Variants in PCDH15 observed in about 807,000 individuals in gnomAD.
PCDH15 encodes protocadherin related 15.
In PCDH15, 129 loss-of-function variants were observed where a neutral mutation model predicts 178.5. That is an observed-to-expected ratio of 0.72 (90% CI 0.63 to 0.84). The LOEUF is 0.84. Ranked by LOEUF, PCDH15 falls within the 40% of genes least tolerant of loss-of-function variation. The probability of loss-of-function intolerance (pLI) is 0.00; values close to 1 mark genes in which losing one functional copy is unlikely to be tolerated. For synonymous variants in PCDH15, 800 were observed against 732.0 expected (o/e 1.09, Z -1.50); for missense variants, 2,230 against 2,099.9 (o/e 1.06, Z -1.21).
intron 30 of PCDH15, among the ~76,000 whole-genome samples, 186 bp from the exon 31 acceptor site, chr10:53,828,759 C>T (rs926798568): frequency 5.9e-5 from 9 of 151,852 alleles, no homozygotes; most frequent in African/African-American, 1.9e-4. Context: ...GTATCGTTAC[C>T]GTTAGAGTCA....
At chr10:54,079,718 C>T (rs1201586623) in intron 16 of PCDH15, among the ~76,000 whole-genome samples, 1 of 152,126 alleles carries the variant, frequency 6.6e-6, no homozygotes, top group African/African-American at 2.4e-5. Context: ...CAGTATCTAT[C>T]TTGTTTTCGA....
chr10:54,471,336 C>T (rs116878601), intron 3 of PCDH15, among the ~76,000 whole-genome samples: 7,103 of 152,020 alleles, frequency 0.047, 222 homozygotes, highest in South Asian at 0.13. Flanking sequence ...TAAGTGGATG[C>T]ACAAAGCCCA....
intron 2 of PCDH15, among the ~76,000 whole-genome samples, chr10:55,087,254 T>C (rs1042423779): frequency 6.6e-6 from 1 of 152,196 alleles, no homozygotes; most frequent in South Asian, 2.1e-4. Context: ...TGAAATTATA[T>C]GTTACTTTGA....
intron 3 of PCDH15, among the ~76,000 whole-genome samples, chr10:54,384,710 A>C (rs1251876380): frequency 2.0e-5 from 3 of 152,184 alleles, no homozygotes; most frequent in Admixed American, 1.3e-4. Context: ...CTTTAATCAC[A>C]GAACAAATTA....
intron 29 of PCDH15, among the ~76,000 whole-genome samples, chr10:53,838,059 T>C (rs993127664): frequency 6.6e-6 from 1 of 151,900 alleles, no homozygotes; most frequent in African/African-American, 2.4e-5. Context: ...CACTGCATGC[T>C]CGGCCTCCTG....
chr10:54,685,105 C>T (rs2094971558), intron 1 of PCDH15, among the ~76,000 whole-genome samples: 1 of 151,918 alleles, frequency 6.6e-6, no homozygotes, highest in Non-Finnish European at 1.5e-5. Context: ...CCTAGGCCTA[C>T]ACCGGGTCAA....
intron 2 of PCDH15, among the ~76,000 whole-genome samples, chr10:55,527,856 T>G (rs1025510571): frequency 5.3e-5 from 8 of 151,988 alleles, no homozygotes; most frequent in African/African-American, 1.9e-4. Context: ...ATAGGTATTG[T>G]TTTTTCTTCT....
intron 3 of PCDH15, among the ~76,000 whole-genome samples, chr10:54,840,840 A>G (rs1257918103): frequency 1.3e-5 from 2 of 151,874 alleles, no homozygotes; most frequent in Non-Finnish European, 2.9e-5. Context: ...AAGAAAATCA[A>G]TATATAACAA....
chr10:54,495,499 C>G (rs1197260436), intron 3 of PCDH15, among the ~76,000 whole-genome samples: 3 of 152,124 alleles, frequency 2.0e-5, no homozygotes, highest in Non-Finnish European at 4.4e-5. Flanking sequence ...ATATTTGCTA[C>G]TACCATTTAC....
intron 23 of PCDH15, among the ~76,000 whole-genome samples, chr10:53,945,054 A>T (rs1412670974): frequency 6.6e-6 from 1 of 152,224 alleles, no homozygotes; most frequent in African/African-American, 2.4e-5. Context: ...ATCCGAAATA[A>T]TATTTGTTTT....
At position 54,914,634 on chromosome 10, in the gene PCDH15, A is replaced by C. The variant is rs577970514; in HGVS notation, c.-79-17134T>G. 3.9e-5 allele frequency among the ~76,000 whole-genome samples: 6 copies of C among 152,224 alleles called. No homozygotes were observed. In the East Asian group the frequency reaches 1.2e-3, roughly 29 times the overall value. On this transcript the variant is annotated intron_variant, in intron 2 of 5. Transcript: ENST00000458638. ...ACTCTGGACACTAAGCAATGTATTA[A>C]ACCTCCTCTCAAATCCTCATTCCTT...
At chr10:54,132,769 G>A (rs921684999) in intron 15 of PCDH15, 106 bp downstream of exon 15, 1 of 1,511,780 alleles carries the variant, frequency 6.6e-7, no homozygotes, top group Admixed American at 2.0e-5. Context: ...GTGGAGGCAA[G>A]CATGTGAGGT....
intron 8 of PCDH15, among the ~76,000 whole-genome samples, chr10:54,285,153 A>G (rs1007087165): frequency 6.6e-6 from 1 of 152,184 alleles, no homozygotes; most frequent in African/African-American, 2.4e-5. Context: ...TCATTTGAGA[A>G]GTCAACCATA....
At chr10:54,819,204 C>CATA (rs4007189) in intron 3 of PCDH15, among the ~76,000 whole-genome samples, 6,311 of 152,002 alleles carry the variant, frequency 0.042, 382 homozygotes, top group African/African-American at 0.14. Context: ...ATGCAGGTCC[C>CATA]ATATTACATT....
chr10:54,419,911 G>A (rs1955001629), intron 3 of PCDH15, among the ~76,000 whole-genome samples: 1 of 152,026 alleles, frequency 6.6e-6, no homozygotes, highest in East Asian at 1.9e-4. Flanking sequence ...TGGGCTATTA[G>A]GATGTAGAGA....
intron 2 of PCDH15, among the ~76,000 whole-genome samples, chr10:55,365,143 G>C (rs1188810308): frequency 6.6e-6 from 1 of 151,984 alleles, no homozygotes; most frequent in East Asian, 1.9e-4. Flanking sequence ...TTGAAAATGT[G>C]TCAGACTTCC....
At chr10:54,530,848 TAATA>T (rs899251691) in intron 2 of PCDH15, among the ~76,000 whole-genome samples, 7 of 152,262 alleles carry the variant, frequency 4.6e-5, no homozygotes, top group African/African-American at 1.7e-4. Context: ...AGCAGACACA[TAATA>T]AATAATCTAT....
intron 21 of PCDH15, among the ~76,000 whole-genome samples, chr10:53,963,610 T>A (rs1164365999): frequency 6.7e-6 from 1 of 149,392 alleles, no homozygotes; most frequent in Non-Finnish European, 1.5e-5. Flanking sequence ...TCCACAGATA[T>A]GCTATTTTCA....
At position 55,170,056 on chromosome 10, in the gene PCDH15, G is replaced by A. The variant is rs1838455; in HGVS notation, c.-155-3405C>T. 9.7e-3 allele frequency among the ~76,000 whole-genome samples: 1,479 copies of A among 152,164 alleles called. 26 individuals are homozygous for A. Among genetic ancestry groups the A allele is most frequent in the African/African-American group, 0.034 (1,400 of 41,532 alleles). On this transcript the variant is annotated intron_variant, in intron 1 of 5. Transcript: ENST00000458638. ...GTAGGCAGTGAGGGAAGGAGTAGAA[G>A]AGAACTTGATGCTTTACAATGCTAC... is the stretch of plus-strand genomic sequence containing the variant.
Sources: allele counts gnomAD v4.1 joint callset (sites outside exome capture counted in the v4.1 genomes callset), GRCh38; gene constraint gnomAD v4.1.1; transcripts MANE v1.5; gene names NCBI Gene and HGNC (gene_info 2026-07-23, HGNC 2026-07-21).